ASPSCR1: variants seen among roughly 807,000 people sequenced by gnomAD.
The protein encoded by ASPSCR1 is ASPSCR1 tether for SLC2A4, UBX domain containing.
ASPSCR1 carries 55 observed loss-of-function variants against 68.9 expected under a neutral mutation model. The ratio of observed to expected loss-of-function variants is 0.80; its 90% CI spans 0.64 to 1.00. The LOEUF (loss-of-function observed/expected upper bound fraction) is 1.00, where lower values mean the gene tolerates loss of function less well. Among genes scored for constraint, ASPSCR1 ranks in the 50% least tolerant of loss-of-function variants. ASPSCR1 has a pLI of 0.00. For missense variants in ASPSCR1, 765 were observed against 762.2 expected (o/e 1.00, Z -0.04); for synonymous variants, 352 against 332.6 (o/e 1.06, Z -0.63).
At chr17:81,995,314 G>T in intron 5 of ASPSCR1, 1 of 336,082 alleles carries the variant, frequency 3.0e-6, no homozygotes, top group Non-Finnish European at 5.4e-6. Context: ...GAGGGGCCCT[G>T]GGGGGCCAGG....
In ASPSCR1 at chr17:82,012,186, G is replaced by A. The variant is rs185850059; in HGVS notation, c.1301-45G>A. 799 of 1,588,952 alleles carry A rather than the reference G, an allele frequency of 5.0e-4. 1 individual carries two copies. Among genetic ancestry groups the A allele is most frequent in the Non-Finnish European group, 6.5e-4 (748 of 1,157,692 alleles). ...TCTTCCTTCGGGCGCATGGATGGGC[G>A]AGGTCCACGGTGCTTCCTAACACGT... On this transcript the variant is annotated intron_variant, in intron 11 of 15. Coordinates refer to ENST00000306739, the MANE Select transcript of ASPSCR1 (RefSeq NM_024083.4).
At chr17:81,992,401 G>GCA (rs773070766) in intron 4 of ASPSCR1, among the ~76,000 whole-genome samples, 1 of 152,178 alleles carries the variant, frequency 6.6e-6, no homozygotes, top group African/African-American at 2.4e-5. Context: ...TGGAGGAGCC[G>GCA]CACATCAAAG....
In ASPSCR1 at chr17:81,984,343, C is replaced by T. The variant is rs533757651; in HGVS notation, c.273+675C>T. Among the ~76,000 whole-genome samples the T allele has an allele frequency of 3.9e-5, 6 of 152,044 alleles. No homozygotes were observed. The East Asian group carries it at 1.2e-3, about 30-fold the overall frequency. Reference sequence around the variant, plus strand: ...CTGTAATCCCAGCACTTTAGGAGGCCGAGGCGGGCAGATCACCTGAGGTCA... The same window carrying T: ...CTGTAATCCCAGCACTTTAGGAGGCTGAGGCGGGCAGATCACCTGAGGTCA... On this transcript the variant is annotated intron_variant, in intron 3 of 15. Coordinates refer to ENST00000306739, the MANE Select transcript of ASPSCR1 (RefSeq NM_024083.4).
In ASPSCR1 at chr17:81,990,897, C is replaced by T. The variant is rs181591043; in HGVS notation, c.375-3924C>T. Among the ~76,000 whole-genome samples the T allele has an allele frequency of 6.6e-5, 10 of 152,278 alleles. No homozygotes were observed. The highest frequency in any genetic ancestry group is 2.0e-4 in the Admixed American group (3 of 15,296). The stretch of plus-strand genomic sequence containing the variant: ...CTGTGACTCGGGGGATACTGTAGCA[C>T]GTCTGGGCAGTCCACGAGGGCAGGC... On this transcript the variant is annotated intron_variant, in intron 4 of 15. Transcript: ENST00000306739. The surrounding 1 kb of genome is among the most constrained non-coding windows in gnomAD (Gnocchi z 4.1).
chr17:82,001,118 A>C (rs946744200), intron 7 of ASPSCR1, among the ~76,000 whole-genome samples: 1 of 151,926 alleles, frequency 6.6e-6, no homozygotes, highest in African/African-American at 2.4e-5. Flanking sequence ...TGGGGCGGGG[A>C]GGAGCCTGTC....
At position 81,996,426 on chromosome 17, in the gene ASPSCR1, C is replaced by T. The variant is rs946885798; in HGVS notation, c.513C>T (p.Val171=). 6.3e-7 allele frequency: 1 copy of T among 1,588,226 alleles called. No homozygotes were observed. The highest frequency in any genetic ancestry group is 8.6e-7 in the Non-Finnish European group (1 of 1,164,346). ...LTGGSATIRF[V]MKCYDPVGKT... ...GTCCTCTGGCCCCACTCAGGTTTGT[C>T]ATGAAGTGCTACGACCCCGTGGGCA... The change falls in exon 7 of 16, where the codon GTC becomes GTT. Residue 171 remains valine, a synonymous_variant. Coordinates refer to ENST00000306739, the MANE Select transcript of ASPSCR1 (RefSeq NM_024083.4).
chr17:81,993,305 C>T (rs2042230565), intron 4 of ASPSCR1, among the ~76,000 whole-genome samples: 1 of 152,130 alleles, frequency 6.6e-6, no homozygotes, highest in Non-Finnish European at 1.5e-5. Context: ...GCTCCACCTC[C>T]TGGGTTCACG....
intron 12 of ASPSCR1, chr17:82,014,740 T>G (rs907895906): frequency 5.1e-6 from 2 of 392,010 alleles, no homozygotes; most frequent in Non-Finnish European, 9.4e-6. Flanking sequence ...ACAGAGTTGC[T>G]GCCCCGTGGG....
chr17:81,996,104 C>CT (rs754551173), intron 6 of ASPSCR1, 39 bp downstream of exon 6: 15 of 1,536,052 alleles, frequency 9.8e-6, no homozygotes, highest in Admixed American at 2.2e-5. Flanking sequence ...GTCTATTTAG[C>CT]TAAAAAAAAA....
rs1248809446 is a variant in ASPSCR1, at chr17:82,011,528, T to A, written c.1238-15T>A. 2.5e-6 allele frequency: 4 copies of A among 1,575,160 alleles called. No individual in the cohort carries two copies. Among genetic ancestry groups the A allele is most frequent in the Middle Eastern group, 3.4e-4 (2 of 5,914 alleles). Reference sequence around the variant, plus strand: ...GGTGGAAGAGCTGTCTGTATGTTCTTTTTCTCCTCTGCAGTGGGGGACTTG... The same window carrying A: ...GGTGGAAGAGCTGTCTGTATGTTCTATTTCTCCTCTGCAGTGGGGGACTTG... On this transcript the variant is annotated splice_polypyrimidine_tract_variant and intron_variant, in intron 10 of 15. Transcript: ENST00000306739.
intron 12 of ASPSCR1, chr17:82,012,898 C>T (rs2042998167): frequency 6.4e-6 from 1 of 156,880 alleles, no homozygotes; most frequent in Admixed American, 6.0e-5. Flanking sequence ...AATGAATGTC[C>T]TGTCCTTGGC....
chr17:82,008,298 G>A (rs915081958), intron 7 of ASPSCR1: 1 of 152,344 alleles, frequency 6.6e-6, no homozygotes, highest in Non-Finnish European at 1.5e-5. Context: ...CCATCCCCAG[G>A]TGTCGAGAGT....
rs759166213 is a variant in ASPSCR1 at position 81,994,971 on chromosome 17, A to G, written c.432+93A>G. On this transcript the variant is annotated intron_variant, in intron 5 of 15. Coordinates refer to ENST00000306739, the MANE Select transcript of ASPSCR1 (RefSeq NM_024083.4). ...GCTGTCCCGCAGCCGTCTCCAGGGC[A>G]GTGGCGGGAGACTCGGGCTCTTGAA... 202 of 1,329,564 alleles carry G rather than the reference A, an allele frequency of 1.5e-4. 1 individual carries two copies. The highest frequency in any genetic ancestry group is 1.9e-4 in the Non-Finnish European group (183 of 973,082). 82.4% of individuals were successfully genotyped at this position (1,329,564 alleles called of 1,614,324 possible). A position where few individuals can be genotyped will look rare whatever the true frequency, so the allele number is the denominator to read the frequency against.
In ASPSCR1 at chr17:81,986,232, T is replaced by A. The variant is rs1027334612; in HGVS notation, c.374+625T>A. Among the ~76,000 whole-genome samples the A allele has an allele frequency of 6.6e-5, 10 of 152,088 alleles. No individual in the cohort carries two copies. The highest frequency in any genetic ancestry group is 1.3e-4 in the Non-Finnish European group (9 of 68,000). On this transcript the variant is annotated intron_variant, in intron 4 of 15. Transcript: ENST00000306739. This position sits in a 1 kb window ranked among gnomAD's most constrained non-coding sequence, Gnocchi z 5.2. ...TGAGCTCATGAGTTCAAGACTAGCC[T>A]CGGCAACATAGTGAAACCCCTTCTC...
In ASPSCR1 at chr17:81,983,622, T is replaced by C; in HGVS notation, c.227T>C (p.Leu76Pro). ...GCCAACCTGCCCAACAATGCCAAGC[T>C]GGAGATGGTGCCCGCTTCCCGGAGC... is the stretch of plus-strand genomic sequence containing the variant. ...RFANLPNNAK[L>P]EMVPASRSRE... Residue 76 changes from leucine to proline, a missense_variant, in exon 3 of 16, where the codon CTG (leucine) becomes CCG (proline). Leu to Pro is a moderately conservative substitution (Grantham distance 98). Coordinates refer to ENST00000306739, the MANE Select transcript of ASPSCR1 (RefSeq NM_024083.4). This position sits in a 1 kb window ranked among gnomAD's most constrained non-coding sequence, Gnocchi z 4.4. The C allele has an allele frequency of 2.5e-6, 4 of 1,613,216 alleles. No homozygotes were observed. The highest frequency in any genetic ancestry group is 3.4e-6 in the Non-Finnish European group (4 of 1,179,870).
chr17:82,009,440 C>T (rs758276491), intron 8 of ASPSCR1, 46 bp from the exon 9 acceptor site: 5 of 1,527,282 alleles, frequency 3.3e-6, no homozygotes, highest in African/African-American at 2.8e-5. Context: ...GTTGCCAGGG[C>T]CCCCATTCTG....
intron 4 of ASPSCR1, 22 bp from the exon 5 acceptor site, chr17:81,994,799 G>A (rs776107844): frequency 1.2e-6 from 2 of 1,612,142 alleles, no homozygotes; most frequent in African/African-American, 1.3e-5. Flanking sequence ...GGTACCTGAT[G>A]GTTTCTTTCC....
rs1376680239 is a variant in ASPSCR1 at position 81,986,827 on chromosome 17, G to A, written c.374+1220G>A. On this transcript the variant is annotated intron_variant, in intron 4 of 15. Transcript: ENST00000306739. The surrounding 1 kb of genome is among the most constrained non-coding windows in gnomAD (Gnocchi z 5.2). ...TGCTCCCGTCTGACAGTAGTGCCGC[G>A]CTGCATGGCACGGGTGTTGCGTTCG... Among the ~76,000 whole-genome samples, 1 of 151,888 alleles carries A rather than the reference G, an allele frequency of 6.6e-6. No individual in the cohort carries two copies. The highest frequency in any genetic ancestry group is 1.5e-5 in the Non-Finnish European group (1 of 68,012).
At chr17:82,014,940 G>T (rs2043071354) in intron 12 of ASPSCR1, 1 of 1,092,128 alleles carries the variant, frequency 9.2e-7, no homozygotes, top group African/African-American at 1.6e-5. Context: ...AGCCGAGGGA[G>T]CCAGGCAGGG....
Sources: gnomAD v4.1 joint callset for allele counts (sites outside exome capture counted in the v4.1 genomes callset) on GRCh38, gnomAD v4.1.1 for gene constraint, Gnocchi (gnomAD v3.1) non-coding constraint, MANE v1.5 for transcripts, NCBI Gene and HGNC (gene_info 2026-07-23, HGNC 2026-07-21) for gene names.